The following FAM107B variants were observed in gnomAD, a reference collection of about 807,000 sequenced individuals.
The protein encoded by FAM107B is protein FAM107B.
FAM107B carries 21 observed loss-of-function variants against 31.5 expected under a neutral mutation model. The ratio of observed to expected loss-of-function variants is 0.67; its 90% CI spans 0.47 to 0.96. The LOEUF (loss-of-function observed/expected upper bound fraction) is 0.96. Among genes scored for constraint, FAM107B ranks in the 40% least tolerant of loss-of-function variants. FAM107B has a pLI of 0.00. For missense variants in FAM107B, 452 were observed against 377.1 expected (o/e 1.20, Z -1.64); for synonymous variants, 157 against 141.5 (o/e 1.11, Z -0.78).
intron 2 of FAM107B, chr10:14,556,098 C>A: frequency 6.5e-6 from 1 of 152,792 alleles, no homozygotes; most frequent in Non-Finnish European, 1.5e-5. Flanking sequence ...AGCTGCACTG[C>A]TGCCTGGGGC....
At chr10:14,591,946 G>A (rs1470802128) in intron 2 of FAM107B, among the ~76,000 whole-genome samples, 2 of 152,094 alleles carry the variant, frequency 1.3e-5, no homozygotes, top group Non-Finnish European at 2.9e-5. Context: ...AGCATGGGGG[G>A]AAGGGGTGGG....
At chr10:14,761,011 C>CA (rs565835423) in intron 1 of FAM107B, among the ~76,000 whole-genome samples, 2,762 of 77,250 alleles carry the variant, frequency 0.036, 98 homozygotes, top group Middle Eastern at 0.093. Context: ...GACTCCGTTT[C>CA]AAAAAAAAAA....
At chr10:14,534,032 G>A (rs373633037) in intron 2 of FAM107B, among the ~76,000 whole-genome samples, 1 of 152,194 alleles carries the variant, frequency 6.6e-6, no homozygotes, top group Non-Finnish European at 1.5e-5. Context: ...GTGGGACAGT[G>A]TGGTGAAGTA....
chr10:14,653,693 A>T (rs538373526), intron 2 of FAM107B: 1 of 152,344 alleles, frequency 6.6e-6, no homozygotes, highest in South Asian at 2.1e-4. Context: ...TGAAATCACA[A>T]AAATGCCCCT....
intron 2 of FAM107B, among the ~76,000 whole-genome samples, chr10:14,567,608 AT>A (rs1231414749): frequency 2.6e-5 from 4 of 152,162 alleles, no homozygotes; most frequent in Non-Finnish European, 5.9e-5. Context: ...GGGCCGCCCA[AT>A]CCCCCAGGAG....
In FAM107B at chr10:14,679,953, C is replaced by T. The variant is rs138809886; in HGVS notation, c.412-12262G>A. Reference sequence around the variant, plus strand: ...CTCCAAGTTCTTCAGCTTTGGGACTCGGACTGGCTTCCTTGATCCTCAGCT... The same window carrying T: ...CTCCAAGTTCTTCAGCTTTGGGACTTGGACTGGCTTCCTTGATCCTCAGCT... On this transcript the variant is annotated intron_variant, in intron 1 of 4. Coordinates refer to ENST00000181796, the MANE Select transcript of FAM107B (RefSeq NM_031453.4). Among the ~76,000 whole-genome samples, 715 of 152,294 alleles carry T rather than the reference C, an allele frequency of 4.7e-3. 6 individuals carry two copies. Among genetic ancestry groups the T allele is most frequent in the Admixed American group, 0.01 (160 of 15,288 alleles).
intron 2 of FAM107B, among the ~76,000 whole-genome samples, chr10:14,531,826 T>C (rs112466834): frequency 0.011 from 1,620 of 152,248 alleles, 29 homozygotes; most frequent in African/African-American, 0.037. Context: ...AGAGAGAGAC[T>C]CTGTCTCAAA....
chr10:14,707,482 G>A (rs1185734053), intron 1 of FAM107B, among the ~76,000 whole-genome samples: 1 of 152,180 alleles, frequency 6.6e-6, no homozygotes, highest in Non-Finnish European at 1.5e-5. Context: ...AAAAGAATCA[G>A]GATCACCCAG....
chr10:14,658,250 T>C (rs1336084033), intron 2 of FAM107B, among the ~76,000 whole-genome samples: 1 of 152,184 alleles, frequency 6.6e-6, no homozygotes, highest in East Asian at 1.9e-4. Context: ...AGAGGTCAGG[T>C]CTTCACTGAA....
At chr10:14,565,540 G>A (rs1471123943) in intron 2 of FAM107B, among the ~76,000 whole-genome samples, 1 of 152,156 alleles carries the variant, frequency 6.6e-6, no homozygotes, top group Non-Finnish European at 1.5e-5. Context: ...AGAAAACAAG[G>A]AAATGTGTTA....
chr10:14,617,099 A>G (rs1006764469), intron 2 of FAM107B, among the ~76,000 whole-genome samples: 2 of 152,142 alleles, frequency 1.3e-5, no homozygotes, highest in Non-Finnish European at 2.9e-5. Context: ...ACAAGAATGC[A>G]GCAGGAGTGA....
chr10:14,681,771 G>T (rs1012450476), intron 1 of FAM107B, among the ~76,000 whole-genome samples: 3 of 152,172 alleles, frequency 2.0e-5, no homozygotes, highest in Non-Finnish European at 2.9e-5. Context: ...AGCAAGGGAT[G>T]CTGGCCACAA....
chr10:14,672,347 C>G (rs923296005), intron 1 of FAM107B, among the ~76,000 whole-genome samples: 7 of 152,306 alleles, frequency 4.6e-5, no homozygotes, highest in African/African-American at 1.7e-4. Flanking sequence ...CTCGGCCTCC[C>G]AAACTGCTGG....
chr10:14,574,898 C>T (rs905875730), intron 2 of FAM107B, among the ~76,000 whole-genome samples: 1 of 152,192 alleles, frequency 6.6e-6, no homozygotes, highest in Non-Finnish European at 1.5e-5. Context: ...TGAATCCAGG[C>T]CTGTTTTATT....
At chr10:14,717,333 C>A (rs1320872875) in intron 1 of FAM107B, among the ~76,000 whole-genome samples, 2 of 152,048 alleles carry the variant, frequency 1.3e-5, no homozygotes, top group African/African-American at 4.8e-5. Context: ...AGGGAGTGTA[C>A]TAGGGAGAAC....
chr10:14,687,971 G>A (rs1157859119), intron 1 of FAM107B, among the ~76,000 whole-genome samples: 1 of 152,180 alleles, frequency 6.6e-6, no homozygotes, highest in Non-Finnish European at 1.5e-5. Flanking sequence ...TGTCTGTAAG[G>A]GTATTGCCAA....
At chr10:14,610,235 C>G (rs1036242743) in intron 2 of FAM107B, among the ~76,000 whole-genome samples, 1 of 151,752 alleles carries the variant, frequency 6.6e-6, no homozygotes, top group African/African-American at 2.4e-5. Flanking sequence ...CCCAGCTACT[C>G]GGGAGGCTGA....
chr10:14,610,655 C>T (rs867899532), intron 2 of FAM107B, among the ~76,000 whole-genome samples: 2 of 152,146 alleles, frequency 1.3e-5, no homozygotes, highest in Middle Eastern at 3.2e-3. Context: ...ATGCTAGAAA[C>T]CAGATGATAA....
intron 1 of FAM107B, among the ~76,000 whole-genome samples, chr10:14,747,272 C>T (rs184236128): frequency 7.9e-5 from 12 of 152,282 alleles, no homozygotes; most frequent in Middle Eastern, 3.4e-3. Context: ...CATTATTACT[C>T]GCCTTCTGAA....
Sources: gnomAD v4.1 joint callset for allele counts (sites outside exome capture counted in the v4.1 genomes callset) on GRCh38, gnomAD v4.1.1 for gene constraint, MANE v1.5 for transcripts, NCBI Gene and HGNC (gene_info 2026-07-23, HGNC 2026-07-21) for gene names.